The following SIDT1 variants were observed in gnomAD, a reference collection of about 807,000 sequenced individuals.
SIDT1 encodes the protein SID1 transmembrane family member 1.
Under a neutral mutation model 107.5 loss-of-function variants are expected in SIDT1, and 101 were observed. The observed-to-expected ratio is 0.94, with a 90% confidence interval of 0.80 to 1.11. The LOEUF (loss-of-function observed/expected upper bound fraction) is 1.11, where lower values mean the gene tolerates loss of function less well. Among genes scored for constraint, SIDT1 ranks in the 50% least tolerant of loss-of-function variants. The probability of loss-of-function intolerance (pLI) is 0.00; values close to 1 mark genes in which losing one functional copy is unlikely to be tolerated. For synonymous variants in SIDT1, 395 were observed against 398.2 expected, an observed-to-expected ratio of 0.99 and a Z score of 0.10; for missense variants, 1,076 against 1,058.2, an observed-to-expected ratio of 1.02 and a Z score of -0.23.
Position 113,601,470 on chromosome 3 carries a change from T to C in SIDT1, c.1046-118T>C, listed in dbSNP as rs544018364. ...ATAGTTTTGGTGACTCCTGTATTAG[T>C]GTAAAAAGAAAATCAAACCTAAAAT... On this transcript the variant is annotated intron_variant, in intron 10 of 24. Coordinates refer to ENST00000264852, the MANE Select transcript of SIDT1 (RefSeq NM_017699.3). 5 of 692,960 alleles carry C rather than the reference T, an allele frequency of 7.2e-6. No individual in the cohort carries two copies. In the Admixed American group the frequency reaches 1.3e-4, roughly 18 times the overall value. 42.9% of individuals were successfully genotyped at this position (692,960 alleles called of 1,614,324 possible).
intron 1 of SIDT1, among the ~76,000 whole-genome samples, chr3:113,540,540 A>G (rs903940823): frequency 2.6e-5 from 4 of 152,232 alleles, no homozygotes; most frequent in Admixed American, 6.5e-5. Flanking sequence ...GCTTTAAGGT[A>G]ACATTGCATA....
chr3:113,553,908 G>C (rs570460655), intron 1 of SIDT1, among the ~76,000 whole-genome samples: 1 of 152,208 alleles, frequency 6.6e-6, no homozygotes, highest in East Asian at 1.9e-4. Context: ...TTCGCTGGGC[G>C]TAGTGGTGCA....
intron 1 of SIDT1, among the ~76,000 whole-genome samples, chr3:113,536,524 G>A (rs1373088866): frequency 6.6e-6 from 1 of 152,170 alleles, no homozygotes; most frequent in African/African-American, 2.4e-5. Flanking sequence ...TTTTTCCTGT[G>A]CCTTGGAGGA....
intron 20 of SIDT1, among the ~76,000 whole-genome samples, chr3:113,618,621 G>A (rs950952413): frequency 2.0e-5 from 3 of 152,136 alleles, no homozygotes; most frequent in African/African-American, 7.2e-5. Flanking sequence ...ATTCTAATAG[G>A]TGAATTAATT....
chr3:113,565,446 T>C (rs1223744600), intron 1 of SIDT1, among the ~76,000 whole-genome samples: 1 of 152,050 alleles, frequency 6.6e-6, no homozygotes, highest in Admixed American at 6.6e-5. Flanking sequence ...GCACGAGGAT[T>C]CCTTGAACCT....
chr3:113,553,908 G>T (rs570460655), intron 1 of SIDT1, among the ~76,000 whole-genome samples: 1 of 152,208 alleles, frequency 6.6e-6, no homozygotes, highest in South Asian at 2.1e-4. Flanking sequence ...TTCGCTGGGC[G>T]TAGTGGTGCA....
chr3:113,606,226 A>G (rs1945323081), intron 14 of SIDT1, among the ~76,000 whole-genome samples: 2 of 152,176 alleles, frequency 1.3e-5, no homozygotes, highest in African/African-American at 4.8e-5. Context: ...TACAATAGCA[A>G]AAAGCTGAAG....
chr3:113,583,757 A>G (rs1009395188), intron 7 of SIDT1, among the ~76,000 whole-genome samples: 6 of 152,208 alleles, frequency 3.9e-5, no homozygotes, highest in Admixed American at 3.9e-4. Context: ...ATGGAAGATA[A>G]GTTCACTCGG....
intron 20 of SIDT1, 62 bp downstream of exon 20, chr3:113,616,238 A>C: frequency 7.5e-7 from 1 of 1,333,708 alleles, no homozygotes; most frequent in Middle Eastern, 1.8e-4. Context: ...AGTAGGAGGA[A>C]CAGGCTTGGG....
intron 7 of SIDT1, 88 bp downstream of exon 7, chr3:113,583,584 A>T (rs1028808167): frequency 3.3e-6 from 3 of 919,892 alleles, no homozygotes; most frequent in Non-Finnish European, 4.9e-6. Flanking sequence ...TCTAGTTCCC[A>T]CTAAACAAGG....
chr3:113,584,580 G>A, intron 7 of SIDT1, 118 bp from the exon 8 acceptor site: 1 of 672,534 alleles, frequency 1.5e-6, no homozygotes, highest in East Asian at 2.9e-5. Flanking sequence ...GCTAAAATAA[G>A]ATTCAGTGAT....
chr3:113,603,444 A>G (rs1945103998), intron 12 of SIDT1, among the ~76,000 whole-genome samples: 2 of 152,216 alleles, frequency 1.3e-5, no homozygotes, highest in African/African-American at 4.8e-5. Flanking sequence ...CAGATTAAAG[A>G]AAAGATTCAT....
intron 19 of SIDT1, chr3:113,615,889 C>T: frequency 1.7e-6 from 1 of 582,326 alleles, no homozygotes; most frequent in Non-Finnish European, 3.1e-6. Context: ...CCTTGCCTTT[C>T]TGCTGTGTAA....
At chr3:113,590,961 A>G (rs528996633) in intron 9 of SIDT1, among the ~76,000 whole-genome samples, 1 of 152,376 alleles carries the variant, frequency 6.6e-6, no homozygotes, top group Admixed American at 6.5e-5. Flanking sequence ...GGCAAAAGGA[A>G]CTGGTAGATG....
intron 21 of SIDT1, among the ~76,000 whole-genome samples, chr3:113,621,004 C>A (rs949948351): frequency 1.3e-5 from 2 of 152,208 alleles, no homozygotes; most frequent in African/African-American, 4.8e-5. Context: ...CAATGACAGA[C>A]TTACACCGTG....
chr3:113,625,984 G>T, intron 23 of SIDT1, 118 bp from the exon 24 acceptor site: 1 of 729,764 alleles, frequency 1.4e-6, no homozygotes. Flanking sequence ...ATGTTTTCTT[G>T]GAAGCTAACT....
At chr3:113,556,414 A>T (rs1940863117) in intron 1 of SIDT1, among the ~76,000 whole-genome samples, 1 of 151,262 alleles carries the variant, frequency 6.6e-6, no homozygotes, top group Non-Finnish European at 1.5e-5. Context: ...AAAGGGATTC[A>T]GGACTGCAGA....
chr3:113,533,622 G>C (rs1049549406), intron 1 of SIDT1, among the ~76,000 whole-genome samples: 2 of 152,196 alleles, frequency 1.3e-5, no homozygotes, highest in African/African-American at 2.4e-5. Context: ...TCCCCTGCAG[G>C]GAAGAAACCT....
rs138784950 is a variant in SIDT1, at chr3:113,537,511, T to C, written c.222+4268T>C. Among the ~76,000 whole-genome samples the C allele has an allele frequency of 2.0e-5, 3 of 152,344 alleles. No individual in the cohort carries two copies. The East Asian group carries it at 5.8e-4, about 29-fold the overall frequency. On this transcript the variant is annotated intron_variant, in intron 1 of 24. Transcript: ENST00000264852. ...GTCTCATATAGGAATGCTTACTCTT[T>C]ATGTACTGAGGCCAAGAAGCCTCCT...
Sources: allele counts gnomAD v4.1 joint callset (sites outside exome capture counted in the v4.1 genomes callset), GRCh38; gene constraint gnomAD v4.1.1; transcripts MANE v1.5; gene names NCBI Gene and HGNC (gene_info 2026-07-23, HGNC 2026-07-21).